Variants in ZFHX3 observed in about 807,000 individuals in gnomAD.
ZFHX3 encodes the protein zinc finger homeobox 3.
ZFHX3 carries 42 observed loss-of-function variants against 279.1 expected under a neutral mutation model. The ratio of observed to expected loss-of-function variants is 0.15; its 90% confidence interval spans 0.12 to 0.19. The LOEUF (loss-of-function observed/expected upper bound fraction) is 0.19. Ranked by LOEUF, ZFHX3 falls within the 10% of genes least tolerant of loss-of-function variation. The pLI is 1.00. For synonymous variants in ZFHX3, 2,293 were observed against 1,957.8 expected, an observed-to-expected ratio of 1.17 and a Z score of -4.52; for missense variants, 4,981 against 4,754.0, an observed-to-expected ratio of 1.05 and a Z score of -1.40.
At chr16:72,916,181 C>A (rs948323455) in intron 3 of ZFHX3, among the ~76,000 whole-genome samples, 8 of 152,214 alleles carry the variant, frequency 5.3e-5, no homozygotes, top group African/African-American at 1.9e-4. Flanking sequence ...CTTCCCCCCC[C>A]TCCTCCGCCT....
chr16:72,921,719 A>T (rs1332922148), intron 3 of ZFHX3, among the ~76,000 whole-genome samples: 2 of 152,180 alleles, frequency 1.3e-5, no homozygotes, highest in African/African-American at 2.4e-5. Flanking sequence ...GGCAGAGAGA[A>T]AAGGGGGCAG....
intron 1 of ZFHX3, among the ~76,000 whole-genome samples, chr16:73,020,917 G>A (rs73594766): frequency 0.014 from 2,099 of 151,934 alleles, 56 homozygotes; most frequent in African/African-American, 0.048. Context: ...CCAACTGCTC[G>A]ATGATCCCCC....
chr16:73,144,653 C>T (rs992476942), intron 5 of ZFHX3, among the ~76,000 whole-genome samples: 1 of 152,140 alleles, frequency 6.6e-6, no homozygotes, highest in Non-Finnish European at 1.5e-5. Context: ...TATTCAGACC[C>T]CTGAAACCCA....
At chr16:73,675,776 CT>C (rs2142189652) in intron 2 of ZFHX3, among the ~76,000 whole-genome samples, 1 of 152,038 alleles carries the variant, frequency 6.6e-6, no homozygotes, top group African/African-American at 2.4e-5. Context: ...AAAATAAAGT[CT>C]CACAAATATC....
intron 1 of ZFHX3, among the ~76,000 whole-genome samples, chr16:73,758,539 G>A (rs192330392): frequency 3.3e-5 from 5 of 152,300 alleles, no homozygotes; most frequent in South Asian, 4.1e-4. Context: ...CACGGCCTTC[G>A]TGGGGCATAC....
At position 72,796,388 on chromosome 16, in the gene ZFHX3, CGAG is replaced by C; in HGVS notation, c.6291_6293del (p.Phe2097_Ser2098delinsLeu). 6.2e-7 allele frequency: 1 copy of C among 1,613,236 alleles called. No individual in the cohort carries two copies. The highest frequency in any genetic ancestry group is 8.5e-7 in the Non-Finnish European group (1 of 1,179,982). ...GCGGCATCGTCTGCATCATCAGCGG[CGAG>C]AAGATGGGCAGCTCCATCGGCATGG... On this transcript the variant is annotated inframe_deletion, in exon 9 of 10. Transcript: ENST00000268489.
chr16:73,208,746 CCAAG>C (rs1168506064), intron 5 of ZFHX3, among the ~76,000 whole-genome samples: 3 of 152,112 alleles, frequency 2.0e-5, no homozygotes, highest in African/African-American at 7.2e-5. Context: ...TGTACTTCCC[CCAAG>C]CCATGTATTA....
At chr16:73,830,811 T>C (rs1960976498) in intron 1 of ZFHX3, among the ~76,000 whole-genome samples, 1 of 152,200 alleles carries the variant, frequency 6.6e-6, no homozygotes, top group South Asian at 2.1e-4. Flanking sequence ...TTCTTTTAAA[T>C]ATTGCCAAAG....
chr16:72,840,229 C>T (rs2037311637), intron 4 of ZFHX3, among the ~76,000 whole-genome samples: 1 of 152,024 alleles, frequency 6.6e-6, no homozygotes, highest in East Asian at 1.9e-4. Context: ...ACTTAAGCAT[C>T]TATATACAAA....
rs2035952920 is a variant in ZFHX3, at chr16:72,797,485, G to C, written c.5197C>G (p.Gln1733Glu). 6.2e-7 allele frequency: 1 copy of C among 1,612,244 alleles called. No individual in the cohort carries two copies. The highest frequency in any genetic ancestry group is 8.5e-7 in the Non-Finnish European group (1 of 1,178,668). Reference sequence around the variant, plus strand: ...TGTTGTTGTTGTTGTTGTTGTTGTTGTTGCTGTTGCTGCTGCTGTTGTTGC... The same window carrying C: ...TGTTGTTGTTGTTGTTGTTGTTGTTCTTGCTGTTGCTGCTGCTGTTGTTGC... The part of the protein sequence containing the change: ...QQQQQQQQQQ[Q>E]QQQQQQQQAQ... The change falls in exon 9 of 10, where the codon CAA becomes GAA. Residue 1733 changes from glutamine (Q) to glutamate (E), a missense_variant. This residue lies in a region of ZFHX3 where 1,751 missense variants were observed against 1,770.0 expected (regional missense o/e 0.99). Coordinates refer to ENST00000268489, the MANE Select transcript of ZFHX3 (RefSeq NM_006885.4).
chr16:73,191,018 A>T (rs1322604259), intron 5 of ZFHX3, among the ~76,000 whole-genome samples: 2 of 151,946 alleles, frequency 1.3e-5, no homozygotes, highest in African/African-American at 4.8e-5. Context: ...TAAAAATGGG[A>T]CCAAATCCAT....
intron 2 of ZFHX3, among the ~76,000 whole-genome samples, chr16:73,564,765 C>T (rs1320712238): frequency 2.0e-5 from 3 of 152,180 alleles, no homozygotes; most frequent in Non-Finnish European, 4.4e-5. Context: ...ACCTAGTGTT[C>T]AAGTCTGCTC....
chr16:73,338,540 G>C (rs1472285110), intron 3 of ZFHX3, among the ~76,000 whole-genome samples: 3 of 151,950 alleles, frequency 2.0e-5, no homozygotes, highest in African/African-American at 7.3e-5. Flanking sequence ...AGTTCTATCA[G>C]GTCTACAAAC....
intron 5 of ZFHX3, among the ~76,000 whole-genome samples, chr16:72,815,235 G>A (rs544792626): frequency 1.3e-5 from 2 of 152,054 alleles, no homozygotes; most frequent in South Asian, 2.1e-4. Flanking sequence ...TGGTGAAACC[G>A]CATCTCTACA....
chr16:73,036,635 G>T (rs983327420), intron 1 of ZFHX3, among the ~76,000 whole-genome samples: 3 of 151,936 alleles, frequency 2.0e-5, no homozygotes, highest in Non-Finnish European at 4.4e-5. Context: ...GAGAGGGGCC[G>T]GCAGGAGAGA....
chr16:72,847,746 G>A (rs764604106), intron 4 of ZFHX3, among the ~76,000 whole-genome samples: 11 of 152,018 alleles, frequency 7.2e-5, no homozygotes, highest in Admixed American at 5.2e-4. Flanking sequence ...ACAAGCAGAC[G>A]CAAAGCAGGG....
At chr16:73,620,426 A>G (rs948121840) in intron 2 of ZFHX3, among the ~76,000 whole-genome samples, 38 of 152,220 alleles carry the variant, frequency 2.5e-4, no homozygotes, top group African/African-American at 9.2e-4. Flanking sequence ...ACCAATTCCA[A>G]CCTTTGGTTT....
At chr16:73,415,296 T>G (rs918793376) in intron 3 of ZFHX3, among the ~76,000 whole-genome samples, 2 of 152,216 alleles carry the variant, frequency 1.3e-5, no homozygotes, top group African/African-American at 4.8e-5. Context: ...TTTTTAGTCT[T>G]GAGGTCTGCA....
At chr16:72,951,692 C>A (rs961491399) in intron 2 of ZFHX3, among the ~76,000 whole-genome samples, 1 of 152,198 alleles carries the variant, frequency 6.6e-6, no homozygotes, top group African/African-American at 2.4e-5. Context: ...CAGCTGCAAT[C>A]GTAACATACC....
Sources: allele counts gnomAD v4.1 joint callset (sites outside exome capture counted in the v4.1 genomes callset), GRCh38; gene constraint gnomAD v4.1.1; regional missense constraint gnomAD v4.1.1; transcripts MANE v1.5; gene names NCBI Gene and HGNC (gene_info 2026-07-23, HGNC 2026-07-21).